GPC5: variants seen among roughly 807,000 people sequenced by gnomAD.
GPC5 encodes glypican 5, also known as glypican-5.
A neutral mutation model predicts 53.9 loss-of-function variants in GPC5; 47 were observed. That is an observed-to-expected ratio of 0.87 (90% confidence interval 0.69 to 1.11). The LOEUF (loss-of-function observed/expected upper bound fraction) is 1.11, where lower values mean the gene tolerates loss of function less well. Among genes scored for constraint, GPC5 ranks in the 50% most tolerant of loss-of-function variants. GPC5 has a pLI of 0.00. For missense variants in GPC5, 748 were observed against 713.1 expected, an observed-to-expected ratio of 1.05 and a Z score of -0.56; for synonymous variants, 286 against 263.3, an observed-to-expected ratio of 1.09 and a Z score of -0.84.
chr13:92,510,025 T>C (rs1024513677), intron 7 of GPC5: 8 of 152,124 alleles, frequency 5.3e-5, no homozygotes, highest in African/African-American at 9.7e-5. Context: ...TTATTGTACA[T>C]ACAAATAACA....
At chr13:91,790,959 C>T (rs954055208) in intron 5 of GPC5, among the ~76,000 whole-genome samples, 3 of 152,090 alleles carry the variant, frequency 2.0e-5, no homozygotes, top group African/African-American at 7.2e-5. Flanking sequence ...CTAAAAATCT[C>T]GGTGTGAATG....
At chr13:92,656,892 G>A (rs995998436) in intron 7 of GPC5, among the ~76,000 whole-genome samples, 2 of 152,168 alleles carry the variant, frequency 1.3e-5, no homozygotes, top group Non-Finnish European at 2.9e-5. Context: ...AGTGTTCAAC[G>A]CTGCAGTGAG....
chr13:92,628,306 C>T lies in GPC5; in HGVS notation c.1562-237976C>T, dbSNP rs1329333662. Among the ~76,000 whole-genome samples, 17 of 52,342 alleles carry T rather than the reference C, an allele frequency of 3.2e-4. 1 individual carries two copies. The highest frequency in any genetic ancestry group is 4.5e-4 in the Non-Finnish European group (12 of 26,546). 34.3% of individuals were successfully genotyped at this position (52,342 alleles called of 152,430 possible). A position where few individuals can be genotyped will look rare whatever the true frequency, so the allele number is the denominator to read the frequency against. ...TTTTTTTTTTTTTGAGATGTAGTCT[C>T]GCTCTGTCACCCAGGCTGGAGTGCA... is the stretch of plus-strand genomic sequence containing the variant. On this transcript the variant is annotated intron_variant, in intron 7 of 7. Coordinates refer to ENST00000377067, the MANE Select transcript of GPC5 (RefSeq NM_004466.6).
chr13:92,080,061 C>A (rs1225564163), intron 6 of GPC5, among the ~76,000 whole-genome samples: 1 of 152,174 alleles, frequency 6.6e-6, no homozygotes, highest in Non-Finnish European at 1.5e-5. Context: ...CATGGGCTAC[C>A]TGATTTGCCT....
At chr13:92,613,732 C>G (rs183124197) in intron 7 of GPC5, among the ~76,000 whole-genome samples, 1 of 141,378 alleles carries the variant, frequency 7.1e-6, no homozygotes, top group Non-Finnish European at 1.5e-5. Context: ...GTGGTACATG[C>G]GTATAGAACC....
At chr13:92,520,461 C>T (rs966169953) in intron 7 of GPC5, among the ~76,000 whole-genome samples, 1 of 152,064 alleles carries the variant, frequency 6.6e-6, no homozygotes. Flanking sequence ...CCCTGGGATG[C>T]AAGCTGCTTC....
chr13:92,623,254 T>C (rs1884934864), intron 7 of GPC5, among the ~76,000 whole-genome samples: 1 of 152,104 alleles, frequency 6.6e-6, no homozygotes, highest in African/African-American at 2.4e-5. Flanking sequence ...GACTCAATGT[T>C]GTCAGTAAAA....
In GPC5 at chr13:92,472,930, G is replaced by A. The variant is rs375697274; in HGVS notation, c.1561+327941G>A. On this transcript the variant is annotated intron_variant, in intron 7 of 7. Coordinates refer to ENST00000377067, the MANE Select transcript of GPC5 (RefSeq NM_004466.6). ...GTGAACAAAGCAGTTTAATTGAATA[G>A]TACCTTATTTATGATTGGCTTTTGA... 2.6e-5 allele frequency among the ~76,000 whole-genome samples: 4 copies of A among 152,120 alleles called. No homozygotes were observed. The South Asian group carries it at 8.3e-4, about 32-fold the overall frequency.
intron 7 of GPC5, among the ~76,000 whole-genome samples, chr13:92,732,428 GT>G (rs1285550708): frequency 6.6e-6 from 1 of 151,434 alleles, no homozygotes; most frequent in African/African-American, 2.4e-5. Context: ...TGTGCTTCAT[GT>G]TTTAAAATTA....
intron 2 of GPC5, among the ~76,000 whole-genome samples, chr13:91,524,546 G>A (rs994375672): frequency 3.3e-5 from 5 of 151,956 alleles, no homozygotes; most frequent in African/African-American, 1.2e-4. Flanking sequence ...AAGGAGAAAC[G>A]GCATTATTTA....
chr13:92,290,942 G>A (rs1038145707), intron 7 of GPC5, among the ~76,000 whole-genome samples: 1 of 152,188 alleles, frequency 6.6e-6, no homozygotes, highest in Non-Finnish European at 1.5e-5. Context: ...GCCAGCGTGA[G>A]TTCTGGGTGG....
intron 7 of GPC5, among the ~76,000 whole-genome samples, chr13:92,673,753 T>C (rs1333904781): frequency 6.6e-6 from 1 of 152,166 alleles, no homozygotes; most frequent in East Asian, 1.9e-4. Context: ...AAAATCAAAA[T>C]TTAAAGACAT....
chr13:92,660,182 T>C (rs1886286921), intron 7 of GPC5, among the ~76,000 whole-genome samples: 1 of 152,226 alleles, frequency 6.6e-6, no homozygotes, highest in African/African-American at 2.4e-5. Flanking sequence ...TGATTTTACC[T>C]ATAGTACATT....
At chr13:92,571,804 G>A (rs770952960) in intron 7 of GPC5, among the ~76,000 whole-genome samples, 36 of 152,190 alleles carry the variant, frequency 2.4e-4, no homozygotes, top group Non-Finnish European at 4.3e-4. Flanking sequence ...TTTGGGAGGC[G>A]AAGGTGAGTG....
intron 5 of GPC5, among the ~76,000 whole-genome samples, chr13:91,859,643 C>T (rs2039004702): frequency 6.6e-6 from 1 of 151,792 alleles, no homozygotes; most frequent in East Asian, 1.9e-4. Flanking sequence ...TTAATCAGTC[C>T]TTCTTTCTTA....
At chr13:91,976,434 G>T (rs779184935) in intron 6 of GPC5, among the ~76,000 whole-genome samples, 4 of 152,148 alleles carry the variant, frequency 2.6e-5, no homozygotes, top group Non-Finnish European at 5.9e-5. Context: ...GCTTTAATTG[G>T]GTGCCACTGC....
At chr13:92,308,433 A>T (rs554995642) in intron 7 of GPC5, among the ~76,000 whole-genome samples, 1 of 152,168 alleles carries the variant, frequency 6.6e-6, no homozygotes, top group African/African-American at 2.4e-5. Flanking sequence ...CAGTTCTTCA[A>T]CATCTACGAG....
intron 7 of GPC5, among the ~76,000 whole-genome samples, chr13:92,211,753 A>C (rs758631976): frequency 1.0e-4 from 15 of 149,584 alleles, no homozygotes. Flanking sequence ...GGAGCTCCTC[A>C]ATTAGATAGG....
intron 7 of GPC5, among the ~76,000 whole-genome samples, chr13:92,580,897 T>C (rs996058238): frequency 3.9e-5 from 6 of 152,156 alleles, no homozygotes; most frequent in Non-Finnish European, 7.3e-5. Flanking sequence ...ATCCAAACTA[T>C]ACAAATATGC....
Sources: gnomAD v4.1 joint callset for allele counts (sites outside exome capture counted in the v4.1 genomes callset) on GRCh38, gnomAD v4.1.1 for gene constraint, MANE v1.5 for transcripts, NCBI Gene and HGNC (gene_info 2026-07-23, HGNC 2026-07-21) for gene names.